The following POU6F2 variants were observed in gnomAD, a reference collection of about 807,000 sequenced individuals.
POU6F2 encodes POU class 6 homeobox 2.
POU6F2 carries 31 observed loss-of-function variants against 71.3 expected under a neutral mutation model. The ratio of observed to expected loss-of-function variants is 0.43; its 90% CI spans 0.33 to 0.59. POU6F2 has a LOEUF of 0.59. Among genes scored for constraint, POU6F2 ranks in the 20% least tolerant of loss-of-function variants. The pLI is 0.04. For synonymous variants in POU6F2, 347 were observed against 355.7 expected (o/e 0.98, Z 0.27); for missense variants, 783 against 856.8 (o/e 0.91, Z 1.07).
chr7:39,417,758 G>A (rs1787713508), intron 6 of POU6F2, among the ~76,000 whole-genome samples: 1 of 152,150 alleles, frequency 6.6e-6, no homozygotes, highest in African/African-American at 2.4e-5. Context: ...ATGAAAGGTG[G>A]CCCAGGATAA....
chr7:39,182,534 C>T (rs760054247), intron 2 of POU6F2, among the ~76,000 whole-genome samples: 12 of 152,070 alleles, frequency 7.9e-5, no homozygotes, highest in Non-Finnish European at 1.2e-4. Context: ...ATCTAGTAGG[C>T]ATCTTTCTCT....
At chr7:39,208,570 A>G (rs1794071566) in intron 4 of POU6F2, among the ~76,000 whole-genome samples, 1 of 152,268 alleles carries the variant, frequency 6.6e-6, no homozygotes. Context: ...ACTAAGAAAC[A>G]GACCAAGTAA....
At chr7:39,288,005 C>T (rs1784681834) in intron 4 of POU6F2, among the ~76,000 whole-genome samples, 1 of 152,024 alleles carries the variant, frequency 6.6e-6, no homozygotes, top group African/African-American at 2.4e-5. Context: ...GAGTCAAAGG[C>T]ATGTAAAGGG....
At chr7:39,442,681 A>T (rs1440398693) in intron 7 of POU6F2, among the ~76,000 whole-genome samples, 1 of 152,206 alleles carries the variant, frequency 6.6e-6, no homozygotes, top group East Asian at 1.9e-4. Context: ...GGCCTTTTAA[A>T]CCCTAGTTTC....
chr7:39,081,824 C>T (rs1791125085), intron 1 of POU6F2, among the ~76,000 whole-genome samples: 1 of 152,214 alleles, frequency 6.6e-6, no homozygotes, highest in Admixed American at 6.5e-5. Context: ...TGGGATACCC[C>T]ATGAATTACT....
chr7:39,021,077 A>G (rs1789670567), intron 1 of POU6F2, among the ~76,000 whole-genome samples: 1 of 151,784 alleles, frequency 6.6e-6, no homozygotes, highest in African/African-American at 2.4e-5. Flanking sequence ...TCTGTTAATT[A>G]TGTTAAATGA....
intron 6 of POU6F2, among the ~76,000 whole-genome samples, chr7:39,428,857 T>C (rs940861713): frequency 6.6e-6 from 1 of 151,114 alleles, no homozygotes; most frequent in Non-Finnish European, 1.5e-5. Flanking sequence ...GAGCAAAGTA[T>C]CGCAAGGACA....
At chr7:39,343,816 C>T (rs917230432) in intron 5 of POU6F2, among the ~76,000 whole-genome samples, 4 of 152,144 alleles carry the variant, frequency 2.6e-5, no homozygotes. Context: ...TCTATAATCT[C>T]AATGTTAGTA....
chr7:39,413,775 CTTCATCTGAG>C (rs1181215848), intron 6 of POU6F2, among the ~76,000 whole-genome samples: 2 of 152,160 alleles, frequency 1.3e-5, no homozygotes, highest in Non-Finnish European at 1.5e-5. Context: ...TTTACCCTGA[CTTCATCTGAG>C]TTATAAAGAT....
At chr7:39,397,314 A>AGTATATATATT (rs1416760711) in intron 5 of POU6F2, among the ~76,000 whole-genome samples, 1 of 63,146 alleles carries the variant, frequency 1.6e-5, no homozygotes, top group Non-Finnish European at 3.0e-5. Context: ...GAGATTGTAA[A>AGTATATATATT]GTATATATAT....
chr7:39,148,577 GATGATGATA>G (rs558153274), intron 2 of POU6F2, among the ~76,000 whole-genome samples: 35 of 152,286 alleles, frequency 2.3e-4, no homozygotes, highest in African/African-American at 5.3e-4. Flanking sequence ...TGGTGATGAT[GATGATGATA>G]ATGATGATAA....
intron 1 of POU6F2, among the ~76,000 whole-genome samples, chr7:39,019,835 A>T (rs1314201971): frequency 6.6e-6 from 1 of 151,968 alleles, no homozygotes; most frequent in African/African-American, 2.4e-5. Flanking sequence ...ACCAATTAAA[A>T]TTATTTTATG....
chr7:39,297,308 T>C (rs1407481693), intron 4 of POU6F2, among the ~76,000 whole-genome samples: 1 of 152,094 alleles, frequency 6.6e-6, no homozygotes, highest in Non-Finnish European at 1.5e-5. Context: ...TCTGAGACTT[T>C]GTACTATGAT....
At chr7:39,049,244 G>C (rs1045099720) in intron 1 of POU6F2, among the ~76,000 whole-genome samples, 1 of 151,542 alleles carries the variant, frequency 6.6e-6, no homozygotes, top group South Asian at 2.1e-4. Flanking sequence ...TTGGGTTTAG[G>C]TTGCTCTTAT....
At chr7:39,307,370 C>T (rs1005863072) in intron 4 of POU6F2, among the ~76,000 whole-genome samples, 3 of 152,100 alleles carry the variant, frequency 2.0e-5, no homozygotes, top group Admixed American at 6.5e-5. Context: ...CAACAAATTA[C>T]AAATGTAAAA....
rs547662616 is a variant in POU6F2, at chr7:39,355,748, T to A, written c.972+15733T>A. Among the ~76,000 whole-genome samples, 633 of 152,302 alleles carry A rather than the reference T, an allele frequency of 4.2e-3. 4 individuals carry two copies. The highest frequency in any genetic ancestry group is 0.014 in the African/African-American group (579 of 41,564). Reference sequence around the variant, plus strand: ...AACATTATACCACTGCCTATGTGGTTGAAAACACACAGCAGATTAGTGGTT... The same window carrying A: ...AACATTATACCACTGCCTATGTGGTAGAAAACACACAGCAGATTAGTGGTT... On this transcript the variant is annotated intron_variant, in intron 5 of 9. Transcript: ENST00000518318.
At chr7:39,083,720 C>T (rs1012850484) in intron 1 of POU6F2, 11 of 151,998 alleles carry the variant, frequency 7.2e-5, no homozygotes, top group African/African-American at 2.7e-4. Flanking sequence ...TACTGTGAAT[C>T]GACCGCATTG....
chr7:39,295,422 C>T (rs953941120), intron 4 of POU6F2, among the ~76,000 whole-genome samples: 8 of 152,168 alleles, frequency 5.3e-5, no homozygotes, highest in African/African-American at 1.9e-4. Flanking sequence ...TTGAGACCAG[C>T]CTGGCCAACA....
chr7:39,224,781 G>A (rs1233433827), intron 4 of POU6F2, among the ~76,000 whole-genome samples: 2 of 152,202 alleles, frequency 1.3e-5, no homozygotes, highest in Non-Finnish European at 2.9e-5. Flanking sequence ...CATTCACACA[G>A]TGGGCACAGA....
Sources: gnomAD v4.1 joint callset for allele counts (sites outside exome capture counted in the v4.1 genomes callset) on GRCh38, gnomAD v4.1.1 for gene constraint, MANE v1.5 for transcripts, NCBI Gene and HGNC (gene_info 2026-07-23, HGNC 2026-07-21) for gene names.